Variants in PTPRD observed in about 807,000 individuals in gnomAD.
PTPRD encodes the protein receptor-type tyrosine-protein phosphatase delta.
PTPRD carries 34 observed loss-of-function variants against 214.5 expected under a neutral mutation model. The observed-to-expected ratio is 0.16, with a 90% CI of 0.12 to 0.21. The LOEUF (loss-of-function observed/expected upper bound fraction) is 0.21. Ranked by LOEUF, PTPRD falls within the 10% of genes least tolerant of loss-of-function variation. The pLI is 1.00. For synonymous variants in PTPRD, 1,128 were observed against 845.7 expected, an observed-to-expected ratio of 1.33 and a Z score of -5.79; for missense variants, 2,545 against 2,398.7, an observed-to-expected ratio of 1.06 and a Z score of -1.27.
Position 10,441,077 on chromosome 9 carries a change from C to G in PTPRD, c.-599-100060G>C, listed in dbSNP as rs989144701. Among the ~76,000 whole-genome samples the G allele has an allele frequency of 5.3e-5, 8 of 151,846 alleles. No homozygotes were observed. The South Asian group carries it at 1.0e-3, about 20-fold the overall frequency. ...GCTATAACCTTATTTAGGACTTCAT[C>G]GTTTCCAACCCAAATTTTGGCTTTC... On this transcript the variant is annotated intron_variant, in intron 2 of 45. Transcript: ENST00000381196.
intron 11 of PTPRD, among the ~76,000 whole-genome samples, chr9:8,788,665 C>T (rs2096096377): frequency 6.6e-6 from 1 of 152,204 alleles, no homozygotes; most frequent in Non-Finnish European, 1.5e-5. Context: ...AACATCTACA[C>T]TGATGACATT....
rs781128637 is a variant in PTPRD, at chr9:8,315,466, GAAAATTA to G, written c.*2401_*2407del. ...TCTGACCCCCTTTGTTTAACTAAAA[GAAAATTA>G]TAGCACTGAGTAATCTGGCACTTGG... On this transcript the variant is annotated 3_prime_UTR_variant, in exon 46 of 46. Transcript: ENST00000381196. 160 of 232,090 alleles carry G rather than the reference GAAAATTA, an allele frequency of 6.9e-4. No individual in the cohort carries two copies. In the Middle Eastern group the frequency reaches 0.012, roughly 17 times the overall value. The allele number at this position is 232,090 out of a possible 1,614,324, so 14.4% of individuals were successfully genotyped here. A position where few individuals can be genotyped will look rare whatever the true frequency, so the allele number is the denominator to read the frequency against.
In PTPRD at chr9:9,601,156, G is replaced by GC. The variant is rs796315306; in HGVS notation, c.-286-26376_-286-26375insG. Among the ~76,000 whole-genome samples, 1,014 of 146,094 alleles carry GC rather than the reference G, an allele frequency of 6.9e-3. 29 individuals carry two copies. Among genetic ancestry groups the GC allele is most frequent in the African/African-American group, 0.024 (956 of 39,732 alleles). On this transcript the variant is annotated intron_variant, in intron 7 of 45. Coordinates refer to ENST00000381196, the MANE Select transcript of PTPRD (RefSeq NM_002839.4). ...GTGTGTGTGTGTGTGTGTGTATGGG[G>GC]GGGGGAGAGTGGGGAGAGAGAGAGA...
At chr9:8,822,502 G>C (rs1269787515) in intron 11 of PTPRD, among the ~76,000 whole-genome samples, 1 of 152,102 alleles carries the variant, frequency 6.6e-6, no homozygotes, top group Non-Finnish European at 1.5e-5. Context: ...TTTATACCTT[G>C]GTTGGAAAGT....
chr9:9,377,267 T>A (rs937416786), intron 9 of PTPRD, among the ~76,000 whole-genome samples: 1 of 152,104 alleles, frequency 6.6e-6, no homozygotes, highest in African/African-American at 2.4e-5. Flanking sequence ...TATAACTATA[T>A]AAGGAACAAA....
At chr9:9,075,542 C>T (rs2099749775) in intron 10 of PTPRD, among the ~76,000 whole-genome samples, 1 of 152,084 alleles carries the variant, frequency 6.6e-6, no homozygotes, top group Non-Finnish European at 1.5e-5. Context: ...GATATATCTC[C>T]TAATGCTATC....
At chr9:10,437,439 C>T (rs749165048) in intron 2 of PTPRD, among the ~76,000 whole-genome samples, 1 of 151,728 alleles carries the variant, frequency 6.6e-6, no homozygotes, top group Non-Finnish European at 1.5e-5. Flanking sequence ...ATTTGACTTT[C>T]AGATCATGTA....
intron 9 of PTPRD, among the ~76,000 whole-genome samples, chr9:9,273,133 G>A (rs577124265): frequency 6.6e-6 from 1 of 151,212 alleles, no homozygotes; most frequent in East Asian, 2.0e-4. Context: ...GCATTCCATT[G>A]TTAAGTGACC....
At chr9:9,109,064 G>A (rs1263278527) in intron 10 of PTPRD, among the ~76,000 whole-genome samples, 1 of 152,064 alleles carries the variant, frequency 6.6e-6, no homozygotes, top group East Asian at 1.9e-4. Context: ...AATGATATGG[G>A]GATGGGGTGG....
chr9:9,906,946 A>G (rs1160569233), intron 5 of PTPRD, among the ~76,000 whole-genome samples: 1 of 151,974 alleles, frequency 6.6e-6, no homozygotes, highest in African/African-American at 2.4e-5. Context: ...TTTCAGCCAT[A>G]CTGACAAAAG....
intron 3 of PTPRD, among the ~76,000 whole-genome samples, chr9:10,037,765 G>A (rs1375370655): frequency 6.6e-6 from 1 of 152,042 alleles, no homozygotes; most frequent in Non-Finnish European, 1.5e-5. Flanking sequence ...TTGTTAACCT[G>A]CAACTTTAAT....
At chr9:9,999,746 G>A (rs368523104) in intron 4 of PTPRD, among the ~76,000 whole-genome samples, 4 of 152,248 alleles carry the variant, frequency 2.6e-5, no homozygotes, top group African/African-American at 7.2e-5. Context: ...GAAAGATTTC[G>A]TCAAGGTTGT....
At position 9,954,993 on chromosome 9, in the gene PTPRD, A is replaced by C. The variant is rs10978133; in HGVS notation, c.-471-16383T>G. ...TCACTTTATAAATAATTGTGCAAGA[A>C]ATGTTAAAGGCCTCCCACTAAAAAA... On this transcript the variant is annotated intron_variant, in intron 4 of 45. Transcript: ENST00000381196. Among the ~76,000 whole-genome samples, 287 of 152,302 alleles carry C rather than the reference A, an allele frequency of 1.9e-3. 7 individuals carry two copies. In the East Asian group the frequency reaches 0.05, roughly 27 times the overall value.
At chr9:8,592,853 C>T (rs148989325) in intron 14 of PTPRD, among the ~76,000 whole-genome samples, 3 of 152,244 alleles carry the variant, frequency 2.0e-5, no homozygotes, top group South Asian at 2.1e-4. Context: ...CTTTACTGAA[C>T]GAAGTCAAAG....
chr9:9,092,635 C>G (rs1392316566), intron 10 of PTPRD, among the ~76,000 whole-genome samples: 9 of 151,938 alleles, frequency 5.9e-5, no homozygotes, highest in Non-Finnish European at 1.2e-4. Context: ...GAAAATATGA[C>G]TTGAAAATTT....
chr9:8,386,260 C>T (rs10117844), intron 37 of PTPRD, among the ~76,000 whole-genome samples: 4 of 152,140 alleles, frequency 2.6e-5, no homozygotes, highest in African/African-American at 9.7e-5. Context: ...CTACTTGGAA[C>T]TGTCCCATAG....
chr9:9,028,196 T>A (rs75461172), intron 10 of PTPRD, among the ~76,000 whole-genome samples: 2,601 of 152,080 alleles, frequency 0.017, 89 homozygotes, highest in East Asian at 0.082. Flanking sequence ...TCAAAACTTC[T>A]AAATATGTTT....
chr9:10,014,776 T>C (rs1476088798), intron 4 of PTPRD, among the ~76,000 whole-genome samples: 1 of 152,026 alleles, frequency 6.6e-6, no homozygotes, highest in Non-Finnish European at 1.5e-5. Context: ...TATTTTGGCA[T>C]AAATCTGTAT....
chr9:8,617,794 C>G (rs576145083), intron 14 of PTPRD, among the ~76,000 whole-genome samples: 2 of 152,078 alleles, frequency 1.3e-5, no homozygotes, highest in East Asian at 3.9e-4. Context: ...AGGGTGAATT[C>G]AACTTCTCTT....
Sources: gnomAD v4.1 joint callset for allele counts (sites outside exome capture counted in the v4.1 genomes callset) on GRCh38, gnomAD v4.1.1 for gene constraint, MANE v1.5 for transcripts, NCBI Gene and HGNC (gene_info 2026-07-23, HGNC 2026-07-21) for gene names.